The following UTP6 variants were observed in gnomAD, a reference collection of about 807,000 sequenced individuals.
UTP6 encodes UTP6 small subunit processome component.
UTP6 carries 60 observed loss-of-function variants against 96.5 expected under a neutral mutation model. That is an observed-to-expected ratio of 0.62 (90% CI 0.51 to 0.77). The LOEUF (loss-of-function observed/expected upper bound fraction) is 0.77, where lower values mean the gene tolerates loss of function less well. Ranked by LOEUF, UTP6 falls within the 30% of genes least tolerant of loss-of-function variation. The pLI, the probability that UTP6 is intolerant of heterozygous loss-of-function variation, is 0.00. For missense variants in UTP6, 637 were observed against 706.5 expected, an observed-to-expected ratio of 0.90 and a Z score of 1.12; for synonymous variants, 215 against 240.1, an observed-to-expected ratio of 0.90 and a Z score of 0.96.
At position 31,881,470 on chromosome 17, in the gene UTP6, T is replaced by C. The variant is rs117009654; in HGVS notation, c.786-716A>G. ...CTTTGGGAGAGATGAGTTTTCACCA[T>C]GTTGGCCAGACTGGTCTCAAACTCT... On this transcript the variant is annotated intron_variant, in intron 10 of 18. Coordinates refer to ENST00000261708, the MANE Select transcript of UTP6 (RefSeq NM_018428.3). Among the ~76,000 whole-genome samples the C allele has an allele frequency of 5.1e-4, 78 of 152,158 alleles. No homozygotes were observed. The Middle Eastern group carries it at 0.01, about 20-fold the overall frequency.
chr17:31,863,652 T>C (rs1909653761), intron 18 of UTP6, 136 bp from the exon 19 acceptor site: 2 of 765,466 alleles, frequency 2.6e-6, no homozygotes, highest in Non-Finnish European at 4.1e-6. Flanking sequence ...TGTTTAACAA[T>C]ACCTCTCTTA....
rs1261686753 is a variant in UTP6, at chr17:31,889,301, G to T, written c.527C>A (p.Pro176Gln). The T allele has an allele frequency of 8.7e-6, 14 of 1,612,422 alleles. No individual in the cohort carries two copies. The highest frequency in any genetic ancestry group is 1.2e-5 in the Non-Finnish European group (14 of 1,178,948). Residue 176 changes from proline to glutamine, a missense_variant, in exon 7 of 19, where the codon CCA becomes CAA. Pro to Gln is a moderately conservative substitution (Grantham distance 76). Transcript: ENST00000261708. The part of the protein sequence containing the change: ...LRALRFHPEC[P>Q]KLYKEYFRME... ...CACACTCACTTCTTTATAAAGTTTT[G>T]GGCACTCTGGATGAAAGCGCAGTGC...
At chr17:31,890,535 T>C (rs1301828909) in intron 6 of UTP6, among the ~76,000 whole-genome samples, 1 of 151,646 alleles carries the variant, frequency 6.6e-6, no homozygotes, top group Non-Finnish European at 1.5e-5. Flanking sequence ...GAAGGATCAC[T>C]TTAACCTGGG....
Position 31,863,438 on chromosome 17 carries a change from C to T in UTP6, c.1715G>A (p.Arg572Gln), listed in dbSNP as rs909046283. Residue 572 changes from arginine (R) to glutamine (Q), a missense_variant, in exon 19 of 19, where the codon CGA becomes CAA. Arg to Gln is a conservative substitution (Grantham distance 43, BLOSUM62 1). Coordinates refer to ENST00000261708, the MANE Select transcript of UTP6 (RefSeq NM_018428.3). ...CTCTCCCTGCAACATTTTCATCGCT[C>T]GCCAGTAGATCTGTCCACAGTTCTC... is the stretch of plus-strand genomic sequence containing the variant. ...RPENCGQIYW[R>Q]AMKMLQGESA... is the part of the protein sequence containing the mutation. The T allele has an allele frequency of 1.4e-5, 23 of 1,613,918 alleles. No individual in the cohort carries two copies. Among genetic ancestry groups the T allele is most frequent in the Non-Finnish European group, 1.9e-5 (22 of 1,180,030 alleles).
intron 2 of UTP6, among the ~76,000 whole-genome samples, chr17:31,896,637 G>GA (rs55745056): frequency 0.14 from 20,161 of 144,294 alleles, 1,481 homozygotes; most frequent in Middle Eastern, 0.18. Flanking sequence ...TTTTTGCACA[G>GA]AAAAAAATTT....
At chr17:31,901,489 T>G (rs1044000418) in intron 1 of UTP6, 47 bp downstream of exon 1, 3 of 1,591,648 alleles carry the variant, frequency 1.9e-6, no homozygotes, top group Non-Finnish European at 2.6e-6. Context: ...ACTCCCAACC[T>G]CCCCTCAGGC....
chr17:31,892,027 A>C lies in UTP6; in HGVS notation c.424+233T>G, dbSNP rs1904349911. ...GACAGAGCGAGACTCCGTCTCAAAAAAAAAAGAAATACAGTCCTTCTTGCC... is the reference window on the plus strand; with the variant it reads ...GACAGAGCGAGACTCCGTCTCAAAACAAAAAGAAATACAGTCCTTCTTGCC... On this transcript the variant is annotated intron_variant, in intron 6 of 18. Coordinates refer to ENST00000261708, the MANE Select transcript of UTP6 (RefSeq NM_018428.3). 22 of 508,772 alleles carry C rather than the reference A, an allele frequency of 4.3e-5. No homozygotes were observed. The South Asian group carries it at 5.5e-4, about 13-fold the overall frequency. 31.5% of individuals were successfully genotyped at this position (508,772 alleles called of 1,614,324 possible). A position where few individuals can be genotyped will look rare whatever the true frequency, so the allele number is the denominator to read the frequency against.
rs566428851 is a variant in UTP6, at chr17:31,896,148, G to A, written c.178-1137C>T. Among the ~76,000 whole-genome samples the A allele has an allele frequency of 3.1e-3, 471 of 151,856 alleles. 1 individual carries two copies. Among genetic ancestry groups the A allele is most frequent in the Non-Finnish European group, 5.8e-3 (395 of 67,948 alleles). Reference sequence around the variant, plus strand: ...GCTGAAGTGCAGTGGCGCAACCTAGGCTCACTGCAACCTCCGCCTCCCGGA... The same window carrying A: ...GCTGAAGTGCAGTGGCGCAACCTAGACTCACTGCAACCTCCGCCTCCCGGA... On this transcript the variant is annotated intron_variant, in intron 2 of 18. Coordinates refer to ENST00000261708, the MANE Select transcript of UTP6 (RefSeq NM_018428.3).
At chr17:31,865,570 T>A (rs1410394039) in intron 17 of UTP6, 132 bp from the exon 18 acceptor site, 6 of 798,872 alleles carry the variant, frequency 7.5e-6, no homozygotes, top group African/African-American at 1.7e-5. Flanking sequence ...ACAACTTGGC[T>A]CTCAACTTTT....
intron 13 of UTP6, among the ~76,000 whole-genome samples, chr17:31,875,905 C>A (rs773074566): frequency 6.6e-6 from 1 of 151,894 alleles, no homozygotes. Flanking sequence ...GTTAAACAGG[C>A]ACGAAGTGAA....
At chr17:31,894,852 A>C in intron 3 of UTP6, 115 bp from the exon 4 acceptor site, 1 of 1,269,142 alleles carries the variant, frequency 7.9e-7, no homozygotes, top group Non-Finnish European at 1.1e-6. Context: ...ACAAATATCC[A>C]TTATAGGCAT....
At chr17:31,895,350 C>T (rs960605959) in intron 2 of UTP6, among the ~76,000 whole-genome samples, 7 of 152,162 alleles carry the variant, frequency 4.6e-5, no homozygotes, top group African/African-American at 1.4e-4. Flanking sequence ...TAAAACAGTT[C>T]GTATAAAAAT....
At chr17:31,879,040 T>C (rs11658318) in intron 11 of UTP6, among the ~76,000 whole-genome samples, 79,473 of 152,016 alleles carry the variant, frequency 0.52, 23,330 homozygotes, top group East Asian at 0.67. Context: ...ATCCAGGTTA[T>C]ATATCCCCTC....
intron 4 of UTP6, among the ~76,000 whole-genome samples, chr17:31,894,011 G>A (rs1178147826): frequency 6.6e-6 from 1 of 151,584 alleles, no homozygotes; most frequent in South Asian, 2.1e-4. Context: ...AAACACTCCC[G>A]TAATCCCAGC....
intron 1 of UTP6, among the ~76,000 whole-genome samples, chr17:31,900,657 G>T (rs1413625932): frequency 5.3e-5 from 8 of 152,082 alleles, no homozygotes; most frequent in Middle Eastern, 3.2e-3. Context: ...ATTTCTTTCC[G>T]AAATTCCTCT....
rs575919984 is a variant in UTP6 at position 31,863,741 on chromosome 17, T to C, written c.1637-225A>G. On this transcript the variant is annotated intron_variant, in intron 18 of 18. Coordinates refer to ENST00000261708, the MANE Select transcript of UTP6 (RefSeq NM_018428.3). ...TTTTTGAGACAGGGTCTCACTGTGT[T>C]GCCCCGGCTAGAGTGTAGTAGCGGG... 1.8e-3 allele frequency among the ~76,000 whole-genome samples: 269 copies of C among 152,268 alleles called. 1 individual carries two copies. The highest frequency in any genetic ancestry group is 6.2e-3 in the African/African-American group (258 of 41,564).
rs1419742761 is a variant in UTP6, at chr17:31,863,114, G to A, written c.*245C>T. 2.1e-6 allele frequency: 1 copy of A among 469,700 alleles called. No individual in the cohort carries two copies. Among genetic ancestry groups the A allele is most frequent in the Non-Finnish European group, 3.8e-6 (1 of 263,302 alleles). The allele number at this position is 469,700 out of a possible 1,614,324, so 29.1% of individuals were successfully genotyped here. On this transcript the variant is annotated 3_prime_UTR_variant, in exon 19 of 19. Transcript: ENST00000261708. ...CCAGCTACTCAGGAGTCTGAGGTGA[G>A]AAGGTCACTTGAGTCCAGGAGTTCA...
At chr17:31,892,681 G>T in intron 5 of UTP6, 66 bp downstream of exon 5, 1 of 1,598,528 alleles carries the variant, frequency 6.3e-7, no homozygotes, top group African/African-American at 1.3e-5. Flanking sequence ...CATCTGGCAT[G>T]AAGCTTAAAG....
At chr17:31,871,844 G>T (rs1910186891) in intron 16 of UTP6, among the ~76,000 whole-genome samples, 1 of 151,982 alleles carries the variant, frequency 6.6e-6, no homozygotes. Flanking sequence ...AGTGAGCCAA[G>T]ATGGCGCCAT....
Sources: allele counts gnomAD v4.1 joint callset (sites outside exome capture counted in the v4.1 genomes callset), GRCh38; gene constraint gnomAD v4.1.1; transcripts MANE v1.5; gene names NCBI Gene and HGNC (gene_info 2026-07-23, HGNC 2026-07-21).